Variants in RIPOR2 observed in about 807,000 individuals in gnomAD.
The protein encoded by RIPOR2 is rho family-interacting cell polarization regulator 2.
A neutral mutation model predicts 114.5 loss-of-function variants in RIPOR2; 39 were observed. That is an observed-to-expected ratio of 0.34 (90% CI 0.26 to 0.44). The LOEUF is 0.44. Among genes scored for constraint, RIPOR2 ranks in the 20% least tolerant of loss-of-function variants. The pLI, the probability that RIPOR2 is intolerant of heterozygous loss-of-function variation, is 1.00. For synonymous variants in RIPOR2, 445 were observed against 484.4 expected (o/e 0.92, Z 1.07); for missense variants, 1,007 against 1,255.1 (o/e 0.80, Z 2.99).
chr6:24,867,179 T>G (rs1764688753), intron 6 of RIPOR2, among the ~76,000 whole-genome samples: 1 of 152,264 alleles, frequency 6.6e-6, no homozygotes, highest in Non-Finnish European at 1.5e-5. Flanking sequence ...AGAATCATCT[T>G]TAATCTTCAG....
chr6:24,913,549 A>G (rs1229850613), intron 1 of RIPOR2, among the ~76,000 whole-genome samples: 1 of 152,146 alleles, frequency 6.6e-6, no homozygotes, highest in Non-Finnish European at 1.5e-5. Flanking sequence ...CTAAACAACC[A>G]CGACACACTG....
intron 1 of RIPOR2, among the ~76,000 whole-genome samples, chr6:24,956,531 A>G (rs1408226698): frequency 6.6e-6 from 1 of 152,244 alleles, no homozygotes; most frequent in Non-Finnish European, 1.5e-5. Context: ...CATTTGTGAT[A>G]TGCAAATATT....
At chr6:24,988,329 G>A (rs757568870) in intron 1 of RIPOR2, among the ~76,000 whole-genome samples, 22 of 152,092 alleles carry the variant, frequency 1.4e-4, no homozygotes, top group East Asian at 1.9e-4. Flanking sequence ...GGGATTACAG[G>A]TGCCCAGCTA....
At chr6:24,933,764 A>C (rs1346122614) in intron 1 of RIPOR2, among the ~76,000 whole-genome samples, 2 of 152,176 alleles carry the variant, frequency 1.3e-5, no homozygotes, top group Non-Finnish European at 2.9e-5. Context: ...CAGAACCAGA[A>C]TCTGAGTCTG....
rs879157821 is a variant in RIPOR2 at position 24,842,768 on chromosome 6, A to AT, written c.1857+93dup. Reference sequence around the variant, plus strand: ...GCTATTAATCCTGTGATTGGACAGGATTTTTTTTTTAAATGATACCTCATC... The same window carrying AT: ...GCTATTAATCCTGTGATTGGACAGGATTTTTTTTTTTAAATGATACCTCATC... On this transcript the variant is annotated intron_variant, in intron 13 of 21. Coordinates refer to ENST00000643898, the MANE Select transcript of RIPOR2 (RefSeq NM_001286445.3). 1.7e-3 allele frequency: 1,031 copies of AT among 608,852 alleles called. 3 individuals carry two copies. In the South Asian group the frequency reaches 0.017, roughly 10 times the overall value. The allele number at this position is 608,852 out of a possible 1,614,324, so 37.7% of individuals were successfully genotyped here. A position where few individuals can be genotyped will look rare whatever the true frequency, so the allele number is the denominator to read the frequency against.
At chr6:24,907,620 G>A (rs1281064453) in intron 1 of RIPOR2, among the ~76,000 whole-genome samples, 1 of 152,184 alleles carries the variant, frequency 6.6e-6, no homozygotes, top group Non-Finnish European at 1.5e-5. Context: ...GACATGTGAG[G>A]GTTTCATGCT....
In RIPOR2 at chr6:24,835,772, C is replaced by T. The variant is rs1761059768; in HGVS notation, c.2139G>A (p.Leu713=). The T allele has an allele frequency of 6.4e-7, 1 of 1,551,496 alleles. No individual in the cohort carries two copies. The highest frequency in any genetic ancestry group is 8.7e-7 in the Non-Finnish European group (1 of 1,146,970). Residue 713 remains leucine (L), a synonymous_variant, in exon 15 of 22, where the codon CTG becomes CTA. Transcript: ENST00000643898. The part of the protein sequence containing the change: ...GTSVAGSPLP[L]TTGNESLDIT... ...TGTCCAGGCTCTCGTTGCCTGTGGT[C>T]AGTGGGAGAGGACTTCCTGCCACAC...
upstream of RIPOR2, among the ~76,000 whole-genome samples, chr6:24,939,410 T>G (rs1771994108): frequency 6.6e-6 from 1 of 152,174 alleles, no homozygotes; most frequent in African/African-American, 2.4e-5. Context: ...AGGATTGTTA[T>G]GCAGACTCAT....
chr6:24,852,481 A>G (rs1763059422), intron 9 of RIPOR2, 94 bp downstream of exon 9: 1 of 1,010,030 alleles, frequency 9.9e-7, no homozygotes, highest in African/African-American at 1.6e-5. Context: ...ATTAAAAAAA[A>G]AAAAGACAAC....
intron 1 of RIPOR2, among the ~76,000 whole-genome samples, chr6:25,035,615 T>G (rs1389623717): frequency 1.3e-5 from 2 of 152,142 alleles, no homozygotes; most frequent in African/African-American, 4.8e-5. Flanking sequence ...CCCATACCGG[T>G]ACAAAATCCC....
intron 19 of RIPOR2, among the ~76,000 whole-genome samples, chr6:24,820,278 G>T (rs60024049): frequency 2.0e-5 from 3 of 151,746 alleles, no homozygotes; most frequent in African/African-American, 2.4e-5. Context: ...TGATCCGTCC[G>T]CCTCGGCCTC....
chr6:24,997,696 G>T (rs1304943068), intron 1 of RIPOR2, among the ~76,000 whole-genome samples: 3 of 152,260 alleles, frequency 2.0e-5, no homozygotes, highest in South Asian at 4.1e-4. Flanking sequence ...TGGGAGTAAA[G>T]TCATCCTTTG....
intron 8 of RIPOR2, among the ~76,000 whole-genome samples, chr6:24,859,988 A>G (rs546933729): frequency 4.9e-4 from 75 of 152,310 alleles, no homozygotes; most frequent in Non-Finnish European, 9.6e-4. Context: ...ATGGCCGCTC[A>G]TTTGACAGCC....
chr6:24,889,838 A>G (rs1767162212), intron 1 of RIPOR2, among the ~76,000 whole-genome samples: 1 of 152,140 alleles, frequency 6.6e-6, no homozygotes, highest in Admixed American at 6.5e-5. Flanking sequence ...TTGGTAGAAA[A>G]GAAATAATTG....
chr6:24,958,275 C>T (rs2114215825), intron 1 of RIPOR2, among the ~76,000 whole-genome samples: 1 of 152,226 alleles, frequency 6.6e-6, no homozygotes, highest in Non-Finnish European at 1.5e-5. Context: ...GCAGAATTTG[C>T]ATATGCACCT....
intron 1 of RIPOR2, chr6:25,024,022 C>T (rs1464546022): frequency 6.6e-6 from 5 of 751,956 alleles, no homozygotes; most frequent in Admixed American, 5.2e-5. Flanking sequence ...CAGGTCATTA[C>T]GGCCCTTGAA....
In RIPOR2 at chr6:24,852,529, C is replaced by T. The variant is rs763288038; in HGVS notation, c.759+46G>A. 3 of 1,432,572 alleles carry T rather than the reference C, an allele frequency of 2.1e-6. No homozygotes were observed. In the African/African-American group the frequency reaches 4.2e-5, roughly 20 times the overall value. 88.7% of individuals were successfully genotyped at this position (1,432,572 alleles called of 1,614,324 possible). A position where few individuals can be genotyped will look rare whatever the true frequency, so the allele number is the denominator to read the frequency against. ...ATAATGACATGACAACTGGCCCCTA[C>T]CCTTCAGGTCCATAATTCCAGCACC... On this transcript the variant is annotated intron_variant, in intron 9 of 21. Transcript: ENST00000643898.
At chr6:24,810,740 T>C (rs1445110374) in intron 20 of RIPOR2, among the ~76,000 whole-genome samples, 2 of 150,454 alleles carry the variant, frequency 1.3e-5, no homozygotes, top group African/African-American at 4.9e-5. Context: ...CTGTGGGCTT[T>C]CTATTTGGGC....
intron 18 of RIPOR2, among the ~76,000 whole-genome samples, chr6:24,826,344 C>T (rs4712859): frequency 0.33 from 50,471 of 151,970 alleles, 9,117 homozygotes; most frequent in East Asian, 0.68. Context: ...ACTCCCTAAC[C>T]AGAAATCCAG....
Sources: gnomAD v4.1 joint callset for allele counts (sites outside exome capture counted in the v4.1 genomes callset) on GRCh38, gnomAD v4.1.1 for gene constraint, MANE v1.5 for transcripts, NCBI Gene and HGNC (gene_info 2026-07-23, HGNC 2026-07-21) for gene names.